UHRF2: variants seen among roughly 807,000 people sequenced by gnomAD.
UHRF2 encodes the protein ubiquitin like with PHD and ring finger domains 2, also known as E3 ubiquitin-protein ligase UHRF2.
A neutral mutation model predicts 96.8 loss-of-function variants in UHRF2; 23 were observed. That is an observed-to-expected ratio of 0.24 (90% CI 0.17 to 0.34). The LOEUF (loss-of-function observed/expected upper bound fraction) is 0.34. UHRF2 is among the 10% of genes least tolerant of loss of function. The probability of loss-of-function intolerance (pLI) is 1.00; values close to 1 mark genes in which losing one functional copy is unlikely to be tolerated. For missense variants in UHRF2, 685 were observed against 981.5 expected, an observed-to-expected ratio of 0.70 and a Z score of 4.04; for synonymous variants, 385 against 332.6, an observed-to-expected ratio of 1.16 and a Z score of -1.72.
At chr9:6,448,274 A>G (rs1287005855) in intron 3 of UHRF2, among the ~76,000 whole-genome samples, 1 of 152,240 alleles carries the variant, frequency 6.6e-6, no homozygotes, top group East Asian at 1.9e-4. Flanking sequence ...GAGCAACCAA[A>G]TACTCAAAGG....
chr9:6,476,467 A>AT (rs1215307725), intron 5 of UHRF2, among the ~76,000 whole-genome samples: 2 of 152,224 alleles, frequency 1.3e-5, no homozygotes, highest in Admixed American at 1.3e-4. Context: ...TTATATAAAC[A>AT]TTTGAAGGTT....
chr9:6,466,388 A>G (rs898806056), intron 4 of UHRF2, among the ~76,000 whole-genome samples: 5 of 151,992 alleles, frequency 3.3e-5, no homozygotes, highest in African/African-American at 9.7e-5. Context: ...AAATATAAAA[A>G]TGTTAGCTGG....
intron 3 of UHRF2, among the ~76,000 whole-genome samples, chr9:6,450,268 T>C (rs1821775424): frequency 6.6e-6 from 1 of 151,752 alleles, no homozygotes; most frequent in African/African-American, 2.4e-5. Flanking sequence ...CCATTACATT[T>C]AGTTGGTAAG....
At chr9:6,425,671 G>T (rs1228777447) in intron 2 of UHRF2, among the ~76,000 whole-genome samples, 1 of 152,188 alleles carries the variant, frequency 6.6e-6, no homozygotes, top group Non-Finnish European at 1.5e-5. Flanking sequence ...GCTGAGGCAG[G>T]AGTATCACTT....
At chr9:6,489,735 T>G (rs7021472) in intron 9 of UHRF2, among the ~76,000 whole-genome samples, 39 of 147,130 alleles carry the variant, frequency 2.7e-4, no homozygotes, top group East Asian at 1.2e-3. Flanking sequence ...TTTGTTTTTT[T>G]TTTTTTTTTT....
rs1259524839 is a variant in UHRF2 at position 6,506,467 on chromosome 9, G to C, written c.*288G>C. The C allele has an allele frequency of 1.8e-5, 4 of 225,212 alleles. No homozygotes were observed. Among genetic ancestry groups the C allele is most frequent in the Non-Finnish European group, 3.4e-5 (4 of 116,764 alleles). The allele number at this position is 225,212 out of a possible 1,614,324, so 14.0% of individuals were successfully genotyped here. ...ATGATTTATTTTGCAACTACCTCAG[G>C]ACAGAAAAGATTTATGGGGATTTTA... On this transcript the variant is annotated 3_prime_UTR_variant, in exon 16 of 16. Transcript: ENST00000276893.
At chr9:6,444,962 T>G (rs1176397465) in intron 3 of UHRF2, among the ~76,000 whole-genome samples, 1 of 151,982 alleles carries the variant, frequency 6.6e-6, no homozygotes, top group Non-Finnish European at 1.5e-5. Flanking sequence ...GCAGTGGTTC[T>G]GTCACAGGCT....
At chr9:6,428,148 G>A (rs1246944483) in intron 2 of UHRF2, among the ~76,000 whole-genome samples, 1 of 152,158 alleles carries the variant, frequency 6.6e-6, no homozygotes, top group Non-Finnish European at 1.5e-5. Context: ...ATAATAGAAA[G>A]TACTGGAAAG....
intron 3 of UHRF2, among the ~76,000 whole-genome samples, chr9:6,457,006 C>T (rs1036254730): frequency 5.9e-5 from 9 of 152,118 alleles, no homozygotes; most frequent in African/African-American, 2.2e-4. Flanking sequence ...TTTTTAGTTC[C>T]ATATGAAATT....
rs77658815 is a variant in UHRF2, at chr9:6,502,349, C to G, written c.2163+1640C>G. On this transcript the variant is annotated intron_variant, in intron 14 of 15. Coordinates refer to ENST00000276893, the MANE Select transcript of UHRF2 (RefSeq NM_152896.3). ...ACATACTGTTACTCTGACTGGAATTCTCTTTTCATGTGTCTCACTCTTTCA... is the reference window on the plus strand; with the variant it reads ...ACATACTGTTACTCTGACTGGAATTGTCTTTTCATGTGTCTCACTCTTTCA... Among the ~76,000 whole-genome samples, 548 of 152,288 alleles carry G rather than the reference C, an allele frequency of 3.6e-3. 5 individuals are homozygous for G. Among genetic ancestry groups the G allele is most frequent in the African/African-American group, 0.013 (524 of 41,554 alleles).
At chr9:6,465,995 C>G (rs1822836154) in intron 4 of UHRF2, among the ~76,000 whole-genome samples, 1 of 152,198 alleles carries the variant, frequency 6.6e-6, no homozygotes, top group Non-Finnish European at 1.5e-5. Context: ...AATTTGTTCA[C>G]TTACTACTGT....
At chr9:6,453,389 TGTC>T (rs2130825309) in intron 3 of UHRF2, among the ~76,000 whole-genome samples, 1 of 152,340 alleles carries the variant, frequency 6.6e-6, no homozygotes, top group East Asian at 1.9e-4. Context: ...GATAATGTGT[TGTC>T]CAAGTAATTT....
At chr9:6,469,687 T>G (rs1263785803) in intron 4 of UHRF2, among the ~76,000 whole-genome samples, 1 of 150,410 alleles carries the variant, frequency 6.6e-6, no homozygotes, top group Non-Finnish European at 1.5e-5. Context: ...TATGTATATA[T>G]ATACACGTAT....
At chr9:6,483,030 T>C (rs181565803) in intron 8 of UHRF2, among the ~76,000 whole-genome samples, 2 of 152,214 alleles carry the variant, frequency 1.3e-5, no homozygotes, top group East Asian at 3.9e-4. Flanking sequence ...GATGCTCAAA[T>C]TGCACACAAG....
intron 3 of UHRF2, among the ~76,000 whole-genome samples, chr9:6,434,775 T>C (rs2130770725): frequency 6.6e-6 from 1 of 152,100 alleles, no homozygotes; most frequent in South Asian, 2.1e-4. Flanking sequence ...TAACAGTATT[T>C]TGGAAACTGT....
intron 3 of UHRF2, among the ~76,000 whole-genome samples, chr9:6,438,025 A>C (rs979567750): frequency 6.6e-6 from 1 of 152,220 alleles, no homozygotes; most frequent in African/African-American, 2.4e-5. Flanking sequence ...TAAAAACAAT[A>C]CCATCAGGAC....
At chr9:6,452,573 G>A (rs1411444890) in intron 3 of UHRF2, among the ~76,000 whole-genome samples, 1 of 152,190 alleles carries the variant, frequency 6.6e-6, no homozygotes, top group East Asian at 1.9e-4. Context: ...GGCCTAGTCT[G>A]AGAAAGGTAG....
At chr9:6,500,205 G>A (rs1481796265) in intron 13 of UHRF2, among the ~76,000 whole-genome samples, 3 of 152,174 alleles carry the variant, frequency 2.0e-5, no homozygotes, top group East Asian at 3.9e-4. Context: ...TGGGCTGAAG[G>A]GATCCTCCTG....
chr9:6,479,640 A>C (rs1823805383), intron 6 of UHRF2, among the ~76,000 whole-genome samples: 1 of 152,176 alleles, frequency 6.6e-6, no homozygotes, highest in African/African-American at 2.4e-5. Context: ...GCAGTTGGTT[A>C]GTTGACTGGG....
Sources: allele counts gnomAD v4.1 joint callset (sites outside exome capture counted in the v4.1 genomes callset), GRCh38; gene constraint gnomAD v4.1.1; transcripts MANE v1.5; gene names NCBI Gene and HGNC (gene_info 2026-07-23, HGNC 2026-07-21).